The following MATN2 variants were observed in gnomAD, a reference collection of about 807,000 sequenced individuals.
MATN2 encodes the protein matrilin 2, also known as matrilin-2.
In MATN2, 69 loss-of-function variants were observed where a neutral mutation model predicts 103.2. The ratio of observed to expected loss-of-function variants is 0.67; its 90% CI spans 0.55 to 0.82. The LOEUF (loss-of-function observed/expected upper bound fraction) is 0.82. Ranked by LOEUF, MATN2 falls within the 40% of genes least tolerant of loss-of-function variation. The pLI is 0.00. For missense variants in MATN2, 1,023 were observed against 1,211.5 expected (o/e 0.84, Z 2.31); for synonymous variants, 429 against 450.2 (o/e 0.95, Z 0.60).
At chr8:97,898,249 A>G (rs542080350) in intron 2 of MATN2, among the ~76,000 whole-genome samples, 2 of 152,142 alleles carry the variant, frequency 1.3e-5, no homozygotes, top group Non-Finnish European at 2.9e-5. Flanking sequence ...CTTACCCCTA[A>G]GGAGCCAGTC....
intron 7 of MATN2, among the ~76,000 whole-genome samples, chr8:98,000,087 G>T (rs1812729888): frequency 6.6e-6 from 1 of 151,236 alleles, no homozygotes; most frequent in Non-Finnish European, 1.5e-5. Flanking sequence ...CACCATGTTG[G>T]CCAGGCTGGT....
At chr8:98,003,962 C>A in intron 8 of MATN2, 179 bp downstream of exon 8, 1 of 667,610 alleles carries the variant, frequency 1.5e-6, no homozygotes. Flanking sequence ...ATGCTATCGG[C>A]CTAGCCAACT....
chr8:97,916,643 A>G (rs888495537), intron 2 of MATN2, among the ~76,000 whole-genome samples: 3 of 152,090 alleles, frequency 2.0e-5, no homozygotes, highest in Non-Finnish European at 4.4e-5. Context: ...GCTTATTTGT[A>G]CTTCTCTTTA....
At chr8:97,995,964 A>G (rs953172779) in intron 7 of MATN2, among the ~76,000 whole-genome samples, 4 of 152,204 alleles carry the variant, frequency 2.6e-5, no homozygotes, top group Non-Finnish European at 5.9e-5. Flanking sequence ...TCAGAGGGCC[A>G]ACTTTTCTGG....
chr8:97,899,414 A>G (rs1334239232), intron 2 of MATN2, among the ~76,000 whole-genome samples: 2 of 152,150 alleles, frequency 1.3e-5, no homozygotes, highest in Non-Finnish European at 2.9e-5. Flanking sequence ...CTGCTATAAC[A>G]ATATACCACA....
At chr8:98,011,747 A>G (rs1017446829) in intron 10 of MATN2, among the ~76,000 whole-genome samples, 2 of 152,140 alleles carry the variant, frequency 1.3e-5, no homozygotes, top group Non-Finnish European at 2.9e-5. Flanking sequence ...TGGTTTTAAC[A>G]ACGTCTTATG....
rs1810205740 is a variant in MATN2, at chr8:97,931,719, T to C, written c.712+197T>C. 6.6e-6 allele frequency among the ~76,000 whole-genome samples: 1 copy of C among 152,196 alleles called. No individual in the cohort carries two copies. The highest frequency in any genetic ancestry group is 2.4e-5 in the African/African-American group (1 of 41,438). ...CACATGTTTTTATTTATTTATCTTTTAGAGACAGGGTCATGCTCTGTCACC... is the reference window on the plus strand; with the variant it reads ...CACATGTTTTTATTTATTTATCTTTCAGAGACAGGGTCATGCTCTGTCACC... On this transcript the variant is annotated intron_variant, in intron 3 of 18. Coordinates refer to ENST00000254898, the MANE Select transcript of MATN2 (RefSeq NM_002380.5). The surrounding 1 kb of genome is among the most constrained non-coding windows in gnomAD (Gnocchi z 4.1).
At chr8:97,925,720 A>G (rs866159761) in intron 2 of MATN2, among the ~76,000 whole-genome samples, 2 of 152,202 alleles carry the variant, frequency 1.3e-5, no homozygotes, top group Non-Finnish European at 2.9e-5. Flanking sequence ...GCTCAAGATC[A>G]TTTGGACAGA....
intron 2 of MATN2, among the ~76,000 whole-genome samples, chr8:97,925,243 G>A (rs544099967): frequency 1.3e-5 from 2 of 152,226 alleles, no homozygotes; most frequent in East Asian, 3.9e-4. Context: ...GTTGAAGTAC[G>A]GCCGCTGGGA....
At chr8:97,970,075 T>C (rs1811606995) in intron 5 of MATN2, among the ~76,000 whole-genome samples, 1 of 152,220 alleles carries the variant, frequency 6.6e-6, no homozygotes, top group African/African-American at 2.4e-5. Context: ...GGCAGTGTTA[T>C]AGCTCCATGA....
At chr8:97,888,874 G>A (rs1033255408) in intron 2 of MATN2, among the ~76,000 whole-genome samples, 5 of 152,186 alleles carry the variant, frequency 3.3e-5, no homozygotes, top group Non-Finnish European at 7.3e-5. Flanking sequence ...CTGGGTTCAA[G>A]TCCTGCCTCT....
intron 2 of MATN2, among the ~76,000 whole-genome samples, chr8:97,891,766 A>G (rs1003754749): frequency 2.6e-5 from 4 of 152,358 alleles, no homozygotes; most frequent in Non-Finnish European, 4.4e-5. Flanking sequence ...AAATAACAAT[A>G]ATAAAATCAG....
rs114103237 is a variant in MATN2, at chr8:98,010,200, C to T, written c.1573+2599C>T. Among the ~76,000 whole-genome samples, 257 of 152,246 alleles carry T rather than the reference C, an allele frequency of 1.7e-3. 1 individual carries two copies. The highest frequency in any genetic ancestry group is 6.0e-3 in the African/African-American group (249 of 41,526). On this transcript the variant is annotated intron_variant, in intron 10 of 18. Transcript: ENST00000254898. ...TCTGAACAGGCCTGGTGCCTTCCAG[C>T]CCATCCCAATGTCACCCCCATGGGT...
chr8:97,978,071 C>T (rs368173501), intron 5 of MATN2, among the ~76,000 whole-genome samples: 11 of 152,208 alleles, frequency 7.2e-5, no homozygotes, highest in Admixed American at 1.3e-4. Flanking sequence ...CTGCTCCCCA[C>T]TCCCAGCATC....
At chr8:98,000,596 C>CAAAAAAAAAAAA (rs67682756) in intron 7 of MATN2, among the ~76,000 whole-genome samples, 14 of 49,578 alleles carry the variant, frequency 2.8e-4, no homozygotes, top group Non-Finnish European at 4.3e-4. Flanking sequence ...GACTCCGTCT[C>CAAAAAAAAAAAA]AAAAAAAAAA....
chr8:97,882,004 C>T (rs1326094022), intron 1 of MATN2, among the ~76,000 whole-genome samples: 1 of 147,722 alleles, frequency 6.8e-6, no homozygotes, highest in Non-Finnish European at 1.5e-5. Context: ...TCACTGCAAC[C>T]TCTGCCTCCC....
intron 2 of MATN2, among the ~76,000 whole-genome samples, chr8:97,910,312 CCT>C: frequency 1.3e-5 from 2 of 152,140 alleles, no homozygotes; most frequent in Non-Finnish European, 2.9e-5. Context: ...CCTGCCTTGG[CCT>C]CCCAAAGTGC....
chr8:97,995,908 A>G (rs905522844), intron 7 of MATN2, among the ~76,000 whole-genome samples: 13 of 152,224 alleles, frequency 8.5e-5, no homozygotes, highest in African/African-American at 2.7e-4. Context: ...ATGTGAAAAC[A>G]ATTAGATAAG....
chr8:97,969,069 G>C (rs1811572619), intron 5 of MATN2, among the ~76,000 whole-genome samples: 1 of 152,234 alleles, frequency 6.6e-6, no homozygotes. Flanking sequence ...AAAGCCAAAG[G>C]GGGAGCAAGT....
Sources: allele counts gnomAD v4.1 joint callset (sites outside exome capture counted in the v4.1 genomes callset), GRCh38; gene constraint gnomAD v4.1.1; non-coding constraint Gnocchi (gnomAD v3.1); transcripts MANE v1.5; gene names NCBI Gene and HGNC (gene_info 2026-07-23, HGNC 2026-07-21).